MARCHF3: variants seen among roughly 807,000 people sequenced by gnomAD.
MARCHF3 encodes the protein E3 ubiquitin-protein ligase MARCHF3.
MARCHF3 carries 13 observed loss-of-function variants against 24.2 expected under a neutral mutation model. The observed-to-expected ratio is 0.54, with a 90% CI of 0.35 to 0.85. MARCHF3 has a LOEUF of 0.85. MARCHF3 is among the 40% of genes least tolerant of loss of function. The pLI, the probability that MARCHF3 is intolerant of heterozygous loss-of-function variation, is 0.01. For synonymous variants in MARCHF3, 144 were observed against 137.3 expected (o/e 1.05, Z -0.34); for missense variants, 276 against 325.0 (o/e 0.85, Z 1.16).
At chr5:126,936,553 T>A (rs1239517218) in intron 1 of MARCHF3, among the ~76,000 whole-genome samples, 1 of 152,224 alleles carries the variant, frequency 6.6e-6, no homozygotes, top group Non-Finnish European at 1.5e-5. Context: ...AAAGATGGTA[T>A]ATCAATATGT....
intron 1 of MARCHF3, among the ~76,000 whole-genome samples, chr5:126,946,761 GGTGTGTGTGT>G (rs58269583): frequency 6.8e-4 from 92 of 136,044 alleles, no homozygotes; most frequent in African/African-American, 1.1e-3. Flanking sequence ...TGTAAGTAGG[GGTGTGTGTGT>G]GTGTGTGTGT....
intron 1 of MARCHF3, among the ~76,000 whole-genome samples, 157 bp from the exon 2 acceptor site, chr5:126,918,384 A>G (rs962415756): frequency 4.8e-5 from 7 of 147,324 alleles, no homozygotes; most frequent in African/African-American, 1.3e-4. Flanking sequence ...ATACAAGTGC[A>G]CACACACACA....
At chr5:126,878,013 A>AAC (rs3841139) in intron 4 of MARCHF3, among the ~76,000 whole-genome samples, 172 bp downstream of exon 4, 97 of 151,340 alleles carry the variant, frequency 6.4e-4, no homozygotes, top group African/African-American at 1.3e-3. Flanking sequence ...CACACAGACA[A>AAC]ACACACACAC....
At chr5:127,020,155 GTTC>G (rs1369993073) in intron 1 of MARCHF3, among the ~76,000 whole-genome samples, 1 of 152,138 alleles carries the variant, frequency 6.6e-6, no homozygotes, top group Non-Finnish European at 1.5e-5. Context: ...TGAGACATCT[GTTC>G]TTCTCCCTAA....
chr5:126,943,184 T>A (rs1749889621), intron 1 of MARCHF3, among the ~76,000 whole-genome samples: 1 of 152,056 alleles, frequency 6.6e-6, no homozygotes, highest in South Asian at 2.1e-4. Context: ...ATCCCAGCTA[T>A]TCGGAAGGCT....
At chr5:126,977,217 T>C in intron 1 of MARCHF3, among the ~76,000 whole-genome samples, 1 of 152,232 alleles carries the variant, frequency 6.6e-6, no homozygotes, top group South Asian at 2.1e-4. Context: ...AAAGTCCTTT[T>C]TCATTTTTAT....
intron 4 of MARCHF3, among the ~76,000 whole-genome samples, chr5:126,877,606 T>C (rs578230387): frequency 1.3e-5 from 2 of 152,308 alleles, no homozygotes; most frequent in East Asian, 1.9e-4. Flanking sequence ...TGGCCTTTCT[T>C]TGGTGGCAGC....
chr5:126,899,231 G>A (rs768164150), intron 3 of MARCHF3: 7 of 985,210 alleles, frequency 7.1e-6, no homozygotes, highest in South Asian at 4.7e-5. Flanking sequence ...AGACCTGACA[G>A]GGGTGTTTTC....
intron 3 of MARCHF3, among the ~76,000 whole-genome samples, chr5:126,911,146 C>T (rs1472852949): frequency 2.6e-5 from 4 of 152,172 alleles, no homozygotes; most frequent in Admixed American, 2.0e-4. Flanking sequence ...ACAATGCATG[C>T]CTGAAACTTC....
rs1439056598 is a variant in MARCHF3, at chr5:126,868,055, C to T, written c.*2578G>A. On this transcript the variant is annotated 3_prime_UTR_variant, in exon 5 of 5. Coordinates refer to ENST00000308660, the MANE Select transcript of MARCHF3 (RefSeq NM_178450.5). ...CGAGGGTCCTTTAGGTAAAGGACCC[C>T]CACTCCTCATCTCTTCCTCTTCATT... The T allele has an allele frequency of 2.0e-5, 3 of 152,072 alleles. No homozygotes were observed. Among genetic ancestry groups the T allele is most frequent in the South Asian group, 2.1e-4 (1 of 4,816 alleles). 9.4% of individuals were successfully genotyped at this position (152,072 alleles called of 1,614,324 possible). A position where few individuals can be genotyped will look rare whatever the true frequency, so the allele number is the denominator to read the frequency against.
Position 126,870,794 on chromosome 5 carries a change from G to C in MARCHF3, c.604-3C>G. The C allele has an allele frequency of 1.9e-6, 3 of 1,613,566 alleles. No individual in the cohort carries two copies. Among genetic ancestry groups the C allele is most frequent in the Non-Finnish European group, 2.5e-6 (3 of 1,179,580 alleles). On this transcript the variant is annotated splice_polypyrimidine_tract_variant and splice_region_variant and intron_variant, in intron 4 of 4. Transcript: ENST00000308660. ...CGACAGTGGTACCTAAATGACACCT[G>C]GGGATGGGAGAGGAAAAGTAAGAGA...
intron 1 of MARCHF3, among the ~76,000 whole-genome samples, chr5:126,926,813 G>A (rs1749312254): frequency 1.3e-5 from 2 of 151,716 alleles, no homozygotes; most frequent in Admixed American, 1.3e-4. Flanking sequence ...GGCCTGGCAG[G>A]TAGAGGACTT....
At chr5:126,878,086 G>A (rs1052628948) in intron 4 of MARCHF3, 99 bp downstream of exon 4, 22 of 1,157,828 alleles carry the variant, frequency 1.9e-5, no homozygotes, top group South Asian at 2.8e-5. Context: ...GTTTTCTACC[G>A]GGCAGGTGAG....
At chr5:126,871,433 C>A (rs936449424) in intron 4 of MARCHF3, among the ~76,000 whole-genome samples, 3 of 152,198 alleles carry the variant, frequency 2.0e-5, no homozygotes, top group African/African-American at 7.2e-5. Context: ...GAGCCTCAGG[C>A]TAGGTGGGGC....
At chr5:126,976,390 T>C (rs1047825544) in intron 1 of MARCHF3, among the ~76,000 whole-genome samples, 22 of 152,188 alleles carry the variant, frequency 1.4e-4, no homozygotes, top group Admixed American at 1.4e-3. Flanking sequence ...GTTTCAAATC[T>C]AGGTACAAGT....
chr5:126,950,751 TC>T (rs1483496972), intron 1 of MARCHF3, among the ~76,000 whole-genome samples: 2 of 152,152 alleles, frequency 1.3e-5, no homozygotes. Flanking sequence ...AAAAAGCCCC[TC>T]TTTTACTCCA....
At chr5:126,928,767 G>A (rs1396365894) in intron 1 of MARCHF3, among the ~76,000 whole-genome samples, 1 of 151,966 alleles carries the variant, frequency 6.6e-6, no homozygotes, top group Non-Finnish European at 1.5e-5. Context: ...ATGTATATAT[G>A]CCAATCTAAA....
chr5:126,929,894 T>C (rs1355533485), intron 1 of MARCHF3, among the ~76,000 whole-genome samples: 1 of 152,212 alleles, frequency 6.6e-6, no homozygotes. Context: ...CACATGCTCT[T>C]TTTTGTTTGC....
chr5:126,912,927 G>C (rs563788367), intron 3 of MARCHF3, among the ~76,000 whole-genome samples: 2 of 152,306 alleles, frequency 1.3e-5, no homozygotes, highest in African/African-American at 4.8e-5. Context: ...GTGACCGTTT[G>C]GGTGAAGTTT....
Sources: allele counts gnomAD v4.1 joint callset (sites outside exome capture counted in the v4.1 genomes callset), GRCh38; gene constraint gnomAD v4.1.1; transcripts MANE v1.5; gene names NCBI Gene and HGNC (gene_info 2026-07-23, HGNC 2026-07-21).